Variants in NUMB observed in about 807,000 individuals in gnomAD.
NUMB encodes the protein protein numb homolog.
Under a neutral mutation model 59.7 loss-of-function variants are expected in NUMB, and 29 were observed. The ratio of observed to expected loss-of-function variants is 0.49; its 90% CI spans 0.36 to 0.66. The LOEUF is 0.66. NUMB is among the 30% of genes least tolerant of loss of function. NUMB has a pLI of 0.00. For synonymous variants in NUMB, 288 were observed against 288.2 expected (o/e 1.00, Z 0.01); for missense variants, 723 against 822.0 (o/e 0.88, Z 1.47).
intron 2 of NUMB, among the ~76,000 whole-genome samples, chr14:73,388,830 GCTCACGC>G (rs1375616716): frequency 6.6e-6 from 1 of 152,138 alleles, no homozygotes; most frequent in Non-Finnish European, 1.5e-5. Context: ...GGGCGCAGTG[GCTCACGC>G]CTGTAATCCC....
intron 1 of NUMB, among the ~76,000 whole-genome samples, chr14:73,427,377 A>G (rs1897630703): frequency 6.6e-6 from 1 of 151,964 alleles, no homozygotes; most frequent in Non-Finnish European, 1.5e-5. Context: ...AGGCAGAAGA[A>G]TCGCTTGAAC....
chr14:73,327,507 G>A (rs766412445), intron 4 of NUMB, among the ~76,000 whole-genome samples: 11 of 152,014 alleles, frequency 7.2e-5, no homozygotes, highest in Non-Finnish European at 1.6e-4. Flanking sequence ...TGCCTGCCTC[G>A]GCCTCCCAAA....
intron 4 of NUMB, among the ~76,000 whole-genome samples, chr14:73,341,863 C>T (rs1307890990): frequency 6.6e-6 from 1 of 151,998 alleles, no homozygotes; most frequent in Non-Finnish European, 1.5e-5. Flanking sequence ...GGAGAGAACC[C>T]TCTAGAGCTA....
chr14:73,293,599 G>C (rs1420123665), intron 7 of NUMB, among the ~76,000 whole-genome samples: 1 of 152,072 alleles, frequency 6.6e-6, no homozygotes, highest in East Asian at 1.9e-4. Context: ...CACTGTGTTA[G>C]CCAGGACGGT....
chr14:73,422,161 C>G (rs549553641), intron 1 of NUMB, among the ~76,000 whole-genome samples: 2 of 151,700 alleles, frequency 1.3e-5, no homozygotes, highest in East Asian at 3.9e-4. Flanking sequence ...AAAAGATAAG[C>G]ATAAACAGGT....
At chr14:73,441,881 A>G (rs1883090870) in intron 1 of NUMB, among the ~76,000 whole-genome samples, 1 of 152,072 alleles carries the variant, frequency 6.6e-6, no homozygotes, top group Non-Finnish European at 1.5e-5. Context: ...TCAAAACAAC[A>G]ATAAAAAAAA....
chr14:73,358,507 C>T (rs1055211135), intron 3 of NUMB, among the ~76,000 whole-genome samples: 1 of 152,054 alleles, frequency 6.6e-6, no homozygotes, highest in African/African-American at 2.4e-5. Context: ...CCTCCCTCTG[C>T]CTAGAAAGAA....
At chr14:73,425,006 T>G (rs1021546344) in intron 1 of NUMB, among the ~76,000 whole-genome samples, 2 of 152,160 alleles carry the variant, frequency 1.3e-5, no homozygotes, top group Admixed American at 6.6e-5. Context: ...TCCTAAAAGA[T>G]CTTTACCTCA....
At chr14:73,330,090 G>A (rs144569945) in intron 4 of NUMB, among the ~76,000 whole-genome samples, 3 of 152,274 alleles carry the variant, frequency 2.0e-5, no homozygotes, top group African/African-American at 4.8e-5. Context: ...CCAGGCTGGA[G>A]TGCAGTGGTC....
intron 2 of NUMB, among the ~76,000 whole-genome samples, chr14:73,385,054 T>G (rs1180869684): frequency 1.3e-5 from 2 of 151,920 alleles, no homozygotes; most frequent in Non-Finnish European, 2.9e-5. Context: ...CCACCATGCC[T>G]GGCCCAGAAC....
chr14:73,279,463 T>C, intron 11 of NUMB, 39 bp from the exon 12 acceptor site: 2 of 1,545,126 alleles, frequency 1.3e-6, no homozygotes, highest in East Asian at 2.3e-5. Context: ...AGTTAATTCA[T>C]GCAGGGTGTA....
In NUMB at chr14:73,430,134, TAATA is replaced by T. The variant is rs537213724; in HGVS notation, c.-232-20070_-232-20067del. Among the ~76,000 whole-genome samples, 386 of 150,886 alleles carry T rather than the reference TAATA, an allele frequency of 2.6e-3. 4 individuals carry two copies. The highest frequency in any genetic ancestry group is 9.1e-3 in the African/African-American group (377 of 41,320). On this transcript the variant is annotated intron_variant, in intron 1 of 12. Transcript: ENST00000555238. ...TATTTTATATGTTTTAAATTTACAT[TAATA>T]AATATTTTATATATTTTAAATATAT...
chr14:73,374,080 G>A (rs1894832117), intron 2 of NUMB, among the ~76,000 whole-genome samples: 2 of 152,114 alleles, frequency 1.3e-5, no homozygotes, highest in Non-Finnish European at 1.5e-5. Flanking sequence ...TTGTTGGTCA[G>A]GCTGGTCTCG....
intron 6 of NUMB, among the ~76,000 whole-genome samples, chr14:73,313,307 G>A (rs1440135375): frequency 6.6e-6 from 1 of 151,108 alleles, no homozygotes; most frequent in African/African-American, 2.4e-5. Context: ...TTTTGAAAGC[G>A]AAATACTTAT....
intron 2 of NUMB, among the ~76,000 whole-genome samples, chr14:73,378,803 T>C (rs899457671): frequency 2.0e-5 from 3 of 152,226 alleles, no homozygotes; most frequent in African/African-American, 7.2e-5. Flanking sequence ...GAAATTATTC[T>C]GTACTATACT....
At chr14:73,328,012 C>T (rs1196979858) in intron 4 of NUMB, among the ~76,000 whole-genome samples, 2 of 152,276 alleles carry the variant, frequency 1.3e-5, no homozygotes, top group African/African-American at 4.8e-5. Flanking sequence ...TGGTGGCTCA[C>T]GCCTGTAATC....
At chr14:73,315,845 TGAG>T (rs1891056448) in intron 6 of NUMB, among the ~76,000 whole-genome samples, 1 of 152,208 alleles carries the variant, frequency 6.6e-6, no homozygotes. Flanking sequence ...TACCTACTAT[TGAG>T]GAGATAATCC....
rs780339428 is a variant in NUMB at position 73,275,983 on chromosome 14, T to TAAAG, written c.*591_*594dup. On this transcript the variant is annotated 3_prime_UTR_variant, in exon 13 of 13. Coordinates refer to ENST00000555238, the MANE Select transcript of NUMB (RefSeq NM_001005743.2). ...TTAAAATATTCTAAATGCATAAAAA[T>TAAAG]AAAGATTTTGGCTTTTGATATATAT... 1 of 152,676 alleles carries TAAAG rather than the reference T, an allele frequency of 6.5e-6. No homozygotes were observed. The highest frequency in any genetic ancestry group is 1.5e-5 in the Non-Finnish European group (1 of 68,056). 9.5% of individuals were successfully genotyped at this position (152,676 alleles called of 1,614,324 possible).
At chr14:73,414,812 C>T (rs1443996275) in intron 1 of NUMB, among the ~76,000 whole-genome samples, 1 of 152,116 alleles carries the variant, frequency 6.6e-6, no homozygotes, top group South Asian at 2.1e-4. Context: ...CTCCGCCTCC[C>T]GGGTTCACGC....
Sources: allele counts gnomAD v4.1 joint callset (sites outside exome capture counted in the v4.1 genomes callset), GRCh38; gene constraint gnomAD v4.1.1; transcripts MANE v1.5; gene names NCBI Gene and HGNC (gene_info 2026-07-23, HGNC 2026-07-21).